The following CDK13 variants were observed in gnomAD, a reference collection of about 807,000 sequenced individuals.
The protein encoded by CDK13 is cyclin-dependent kinase 13.
Under a neutral mutation model 137.6 loss-of-function variants are expected in CDK13, and 40 were observed. The ratio of observed to expected loss-of-function variants is 0.29; its 90% CI spans 0.23 to 0.38. The LOEUF (loss-of-function observed/expected upper bound fraction) is 0.38. Among genes scored for constraint, CDK13 ranks in the 10% least tolerant of loss-of-function variants. The pLI is 1.00. For missense variants in CDK13, 1,704 were observed against 1,951.8 expected (o/e 0.87, Z 2.39); for synonymous variants, 869 against 760.1 (o/e 1.14, Z -2.36).
chr7:40,047,800 AT>A lies in CDK13; in HGVS notation c.2544-17del, dbSNP rs2150517010. 3 of 1,571,786 alleles carry A rather than the reference AT, an allele frequency of 1.9e-6. No individual in the cohort carries two copies. Among genetic ancestry groups the A allele is most frequent in the East Asian group, 4.5e-5 (2 of 44,456 alleles). ...AAGAGTAAATTAATACCTTTTGTTC[AT>A]TTTGTCTTATTTCCACCAGAGGGCA... is the stretch of plus-strand genomic sequence containing the variant. On this transcript the variant is annotated intron_variant, in intron 6 of 13. Transcript: ENST00000181839.
chr7:40,091,613 C>T (rs527383874), intron 12 of CDK13, among the ~76,000 whole-genome samples: 4 of 152,046 alleles, frequency 2.6e-5, no homozygotes, highest in South Asian at 2.1e-4. Flanking sequence ...AATAAGAAAA[C>T]GCCCCTTCAG....
chr7:39,950,300 C>T lies in CDK13; in HGVS notation c.-342C>T, dbSNP rs1787098378. The T allele has an allele frequency of 3.7e-6, 4 of 1,094,492 alleles. No individual in the cohort carries two copies. Among genetic ancestry groups the T allele is most frequent in the Non-Finnish European group, 4.4e-6 (4 of 900,510 alleles). 67.8% of individuals were successfully genotyped at this position (1,094,492 alleles called of 1,614,324 possible). A position where few individuals can be genotyped will look rare whatever the true frequency, so the allele number is the denominator to read the frequency against. On this transcript the variant is annotated 5_prime_UTR_variant, in exon 1 of 14. Transcript: ENST00000181839. ...CGAGCCGAGAGCGCGGCCAAGGCCG[C>T]TCCCCCACCCCCGGGGGCACTTGGA...
At chr7:40,010,094 G>A (rs757500462) in intron 5 of CDK13, among the ~76,000 whole-genome samples, 2 of 151,398 alleles carry the variant, frequency 1.3e-5, no homozygotes, top group Admixed American at 6.6e-5. Flanking sequence ...TAGATTTATC[G>A]TGTACTTTAT....
At chr7:40,003,206 A>ACACACACACTCTCTCTCTCTCTCTCT (rs374470130) in intron 5 of CDK13, among the ~76,000 whole-genome samples, 3 of 79,904 alleles carry the variant, frequency 3.8e-5, no homozygotes, top group African/African-American at 1.4e-4. Flanking sequence ...ACACACACAC[A>ACACACACACTCTCTCTCTCTCTCTCT]CTCTCTCTCT....
intron 5 of CDK13, among the ~76,000 whole-genome samples, chr7:40,025,984 C>T (rs948123084): frequency 2.6e-5 from 4 of 152,184 alleles, no homozygotes; most frequent in Non-Finnish European, 5.9e-5. Context: ...TAAGGACACT[C>T]AGGGTTAGTT....
rs139418651 is a variant in CDK13, at chr7:39,988,012, C to G, written c.1625C>G (p.Pro542Arg). Residue 542 changes from proline to arginine, a missense_variant, in exon 2 of 14, where the codon CCT becomes CGT. This residue lies in a region of CDK13 where 1,051 missense variants were observed against 931.0 expected (regional missense o/e 1.13). Coordinates refer to ENST00000181839, the MANE Select transcript of CDK13 (RefSeq NM_003718.5). ...AATGACAAAGCAAAAACAAAGCCAC[C>G]TCTTCAGGTAACGAAGGTGGAAAAT... ...LKNDKAKTKP[P>R]LQVTKVENNL... 6.2e-7 allele frequency: 1 copy of G among 1,614,056 alleles called. No individual in the cohort carries two copies. The highest frequency in any genetic ancestry group is 8.5e-7 in the Non-Finnish European group (1 of 1,179,986).
Position 40,045,056 on chromosome 7 carries a change from A to T in CDK13, c.2354-780A>T, listed in dbSNP as rs373891238. ...CTCCTTCTGTTGCAAGTTTACCGAG[A>T]GTTCTTTGCTCTGTTTTAAAAATTA... On this transcript the variant is annotated intron_variant, in intron 5 of 13. Transcript: ENST00000181839. 6.6e-5 allele frequency among the ~76,000 whole-genome samples: 10 copies of T among 152,258 alleles called. No homozygotes were observed. In the South Asian group the frequency reaches 1.9e-3, roughly 28 times the overall value.
At chr7:40,078,893 A>G in intron 11 of CDK13, 42 bp downstream of exon 11, 1 of 743,726 alleles carries the variant, frequency 1.3e-6, no homozygotes. Context: ...TATTATTATT[A>G]TATTTATTAT....
At chr7:40,084,246 C>T (rs1044979402) in intron 11 of CDK13, among the ~76,000 whole-genome samples, 3 of 151,732 alleles carry the variant, frequency 2.0e-5, no homozygotes, top group Non-Finnish European at 2.9e-5. Flanking sequence ...TTTGGGAGGC[C>T]GAGGTGGGCA....
chr7:40,044,658 A>T (rs901726380), intron 5 of CDK13, among the ~76,000 whole-genome samples: 2 of 151,488 alleles, frequency 1.3e-5, no homozygotes, highest in African/African-American at 4.9e-5. Flanking sequence ...TTTTTTTGAG[A>T]CGGAGTCTCG....
Position 40,045,867 on chromosome 7 carries a change from C to T in CDK13, c.2385C>T (p.Asp795=). 1 of 1,611,658 alleles carries T rather than the reference C, an allele frequency of 6.2e-7. No homozygotes were observed. The highest frequency in any genetic ancestry group is 1.1e-5 in the South Asian group (1 of 90,902). Residue 795 remains aspartate, a synonymous_variant, in exon 6 of 14, where the codon GAC becomes GAT. Coordinates refer to ENST00000181839, the MANE Select transcript of CDK13 (RefSeq NM_003718.5). ...TTTATCTGGTGTTTGAATATATGGA[C>T]CATGATCTGATGGGACTACTGGAAT... ...GAFYLVFEYM[D]HDLMGLLESG... is the part of the protein sequence containing the mutation.
At chr7:40,014,105 A>G (rs988320505) in intron 5 of CDK13, among the ~76,000 whole-genome samples, 10 of 100,714 alleles carry the variant, frequency 9.9e-5, no homozygotes, top group Middle Eastern at 0.013. Flanking sequence ...ATTTCACTCT[A>G]TTGCCCAGGC....
intron 1 of CDK13, among the ~76,000 whole-genome samples, chr7:39,953,442 A>G (rs1045543264): frequency 2.0e-5 from 3 of 152,216 alleles, no homozygotes; most frequent in African/African-American, 7.2e-5. Flanking sequence ...AATTTTAAGA[A>G]TGGATTTTGT....
intron 1 of CDK13, among the ~76,000 whole-genome samples, chr7:39,957,191 C>T (rs765883059): frequency 6.7e-6 from 1 of 148,600 alleles, no homozygotes; most frequent in African/African-American, 2.5e-5. Context: ...GTTGAACAAT[C>T]CTCCTGTCCT....
chr7:39,989,051 TC>T (rs2116273230), intron 2 of CDK13, among the ~76,000 whole-genome samples: 1 of 116,500 alleles, frequency 8.6e-6, no homozygotes, highest in South Asian at 3.0e-4. Context: ...GCCACTGCAC[TC>T]CAGCCTGGGT....
At chr7:40,026,695 G>A (rs1435926962) in intron 5 of CDK13, among the ~76,000 whole-genome samples, 3 of 152,170 alleles carry the variant, frequency 2.0e-5, no homozygotes, top group Non-Finnish European at 4.4e-5. Flanking sequence ...AAGGCAGATG[G>A]TAGATTAAGC....
chr7:40,000,302 GT>G (rs1784656105), intron 4 of CDK13, among the ~76,000 whole-genome samples: 1 of 152,168 alleles, frequency 6.6e-6, no homozygotes, highest in Non-Finnish European at 1.5e-5. Flanking sequence ...GGGAGTGGAG[GT>G]TGTAGTGAGC....
At chr7:40,043,843 A>C (rs1785671150) in intron 5 of CDK13, among the ~76,000 whole-genome samples, 2 of 126,536 alleles carry the variant, frequency 1.6e-5, no homozygotes, top group Non-Finnish European at 3.4e-5. Flanking sequence ...AAAAAAAAAA[A>C]GAAAAGAAAA....
chr7:40,087,613 A>G (rs909326287), intron 11 of CDK13, among the ~76,000 whole-genome samples: 5 of 146,528 alleles, frequency 3.4e-5, no homozygotes, highest in African/African-American at 5.2e-5. Context: ...CAGTGGCGCA[A>G]TCTCGGCTCA....
Sources: allele counts gnomAD v4.1 joint callset (sites outside exome capture counted in the v4.1 genomes callset), GRCh38; gene constraint gnomAD v4.1.1; regional missense constraint gnomAD v4.1.1; transcripts MANE v1.5; gene names NCBI Gene and HGNC (gene_info 2026-07-23, HGNC 2026-07-21).